KCNIP4: variants seen among roughly 807,000 people sequenced by gnomAD.
The protein encoded by KCNIP4 is potassium voltage-gated channel interacting protein 4, also known as Kv channel-interacting protein 4.
A neutral mutation model predicts 34.0 loss-of-function variants in KCNIP4; 12 were observed. The observed-to-expected ratio is 0.35, with a 90% CI of 0.23 to 0.57. KCNIP4 has a LOEUF of 0.57. Ranked by LOEUF, KCNIP4 falls within the 20% of genes least tolerant of loss-of-function variation. The pLI is 0.83. For missense variants in KCNIP4, 238 were observed against 311.7 expected (o/e 0.76, Z 1.78); for synonymous variants, 124 against 102.2 (o/e 1.21, Z -1.29).
At chr4:21,885,461 T>C (rs568740442) in intron 1 of KCNIP4, among the ~76,000 whole-genome samples, 1 of 152,262 alleles carries the variant, frequency 6.6e-6, no homozygotes, top group Non-Finnish European at 1.5e-5. Context: ...GATCTACAAC[T>C]CTTTCTTTGT....
At chr4:21,934,666 C>G (rs1333246991) in intron 1 of KCNIP4, among the ~76,000 whole-genome samples, 1 of 152,054 alleles carries the variant, frequency 6.6e-6, no homozygotes, top group Non-Finnish European at 1.5e-5. Context: ...TCTAGCTCAG[C>G]TCAGAGTACC....
intron 1 of KCNIP4, among the ~76,000 whole-genome samples, chr4:21,694,513 A>G (rs573365827): frequency 8.5e-4 from 130 of 152,298 alleles, no homozygotes; most frequent in Non-Finnish European, 1.7e-3. Context: ...GTGATCTGCC[A>G]TGATAAAAAA....
At chr4:21,779,018 G>A (rs1044991263) in intron 1 of KCNIP4, among the ~76,000 whole-genome samples, 13 of 151,874 alleles carry the variant, frequency 8.6e-5, no homozygotes, top group African/African-American at 3.1e-4. Context: ...GCATGAGAGA[G>A]AGAGAGAGAG....
At chr4:21,762,515 G>T (rs1454575265) in intron 1 of KCNIP4, among the ~76,000 whole-genome samples, 9 of 152,114 alleles carry the variant, frequency 5.9e-5, no homozygotes, top group African/African-American at 2.2e-4. Flanking sequence ...AATCTGGGCT[G>T]CCTTTAACTT....
chr4:21,395,025 T>A (rs1280078669), intron 1 of KCNIP4, among the ~76,000 whole-genome samples: 1 of 152,194 alleles, frequency 6.6e-6, no homozygotes, highest in Admixed American at 6.5e-5. Context: ...AATTATTTGA[T>A]AATCTTTATA....
intron 3 of KCNIP4, among the ~76,000 whole-genome samples, chr4:20,815,426 T>C (rs1449403141): frequency 6.6e-6 from 1 of 152,126 alleles, no homozygotes. Context: ...ATTACTCAGA[T>C]ATCACAGGAG....
rs1192160368 is a variant in KCNIP4, at chr4:21,030,920, T to G, written c.62-148211A>C. On this transcript the variant is annotated intron_variant, in intron 1 of 8. Transcript: ENST00000382152. Reference sequence around the variant, plus strand: ...TCCCCTTGACCCACTCTGGAAGCCATGAAAGATAGTCTCATTCAGAGCTAC... The same window carrying G: ...TCCCCTTGACCCACTCTGGAAGCCAGGAAAGATAGTCTCATTCAGAGCTAC... 2.6e-5 allele frequency among the ~76,000 whole-genome samples: 4 copies of G among 152,174 alleles called. No homozygotes were observed. The East Asian group carries it at 7.7e-4, about 29-fold the overall frequency.
At chr4:21,835,580 T>A (rs201796145) in intron 1 of KCNIP4, among the ~76,000 whole-genome samples, 57,168 of 105,044 alleles carry the variant, frequency 0.54, 11,856 homozygotes, top group East Asian at 0.73. Flanking sequence ...TTTTCTTACG[T>A]TTTTTTTTGT....
At chr4:20,806,212 A>AT (rs1037441681) in intron 3 of KCNIP4, among the ~76,000 whole-genome samples, 2 of 151,374 alleles carry the variant, frequency 1.3e-5, no homozygotes, top group African/African-American at 4.9e-5. Flanking sequence ...ACCTTGCTGT[A>AT]TTTTTCCTTC....
chr4:21,098,770 T>A (rs1439620298), intron 1 of KCNIP4, among the ~76,000 whole-genome samples: 1 of 152,214 alleles, frequency 6.6e-6, no homozygotes, highest in Non-Finnish European at 1.5e-5. Context: ...AGCTCATGGA[T>A]CAATGAATAA....
intron 1 of KCNIP4, among the ~76,000 whole-genome samples, chr4:21,412,768 C>A (rs923349564): frequency 6.6e-6 from 1 of 152,128 alleles, no homozygotes; most frequent in Non-Finnish European, 1.5e-5. Flanking sequence ...TGGTGCATGT[C>A]TTTTATATTT....
chr4:21,121,698 T>C (rs574860236), intron 1 of KCNIP4, among the ~76,000 whole-genome samples: 2 of 152,354 alleles, frequency 1.3e-5, no homozygotes, highest in African/African-American at 4.8e-5. Flanking sequence ...AAGTGAGATA[T>C]TGCATACAAA....
At chr4:21,547,317 GA>G (rs1261739401) in intron 1 of KCNIP4, among the ~76,000 whole-genome samples, 1 of 151,682 alleles carries the variant, frequency 6.6e-6, no homozygotes, top group Non-Finnish European at 1.5e-5. Flanking sequence ...AGAAAAGAAG[GA>G]AAAAATCTTC....
intron 1 of KCNIP4, among the ~76,000 whole-genome samples, chr4:21,559,992 T>C (rs1377476877): frequency 2.0e-5 from 3 of 152,150 alleles, no homozygotes; most frequent in Non-Finnish European, 4.4e-5. Context: ...CCTTACTTGA[T>C]CTATTTCATT....
At chr4:21,729,410 A>G (rs1251530726) in intron 1 of KCNIP4, among the ~76,000 whole-genome samples, 1 of 152,170 alleles carries the variant, frequency 6.6e-6, no homozygotes, top group African/African-American at 2.4e-5. Context: ...GTACTAATCT[A>G]GGTAATATAA....
chr4:21,723,315 AAAG>A (rs1238159849), intron 1 of KCNIP4, among the ~76,000 whole-genome samples: 2 of 152,156 alleles, frequency 1.3e-5, no homozygotes, highest in Non-Finnish European at 2.9e-5. Flanking sequence ...CCATATTAGA[AAAG>A]AAGAGCTTTT....
chr4:20,802,723 A>C (rs1325676053), intron 3 of KCNIP4, among the ~76,000 whole-genome samples: 1 of 152,232 alleles, frequency 6.6e-6, no homozygotes, highest in Non-Finnish European at 1.5e-5. Flanking sequence ...TGTTGTGGAA[A>C]TTAAACAACA....
intron 3 of KCNIP4, among the ~76,000 whole-genome samples, chr4:20,782,381 A>T (rs1356043524): frequency 6.6e-6 from 1 of 152,160 alleles, no homozygotes; most frequent in Non-Finnish European, 1.5e-5. Context: ...TCCCTTCTGC[A>T]CTGCCCTAGT....
chr4:21,627,273 A>G lies in KCNIP4; in HGVS notation c.61+321298T>C, dbSNP rs1745410494. Reference sequence around the variant, plus strand: ...GCAGTTTAGCTCTTGGTTATAAACCATGGTTTAGTTTCATTATAAACTATG... The same window carrying G: ...GCAGTTTAGCTCTTGGTTATAAACCGTGGTTTAGTTTCATTATAAACTATG... On this transcript the variant is annotated intron_variant, in intron 1 of 8. Transcript: ENST00000382152. Among the ~76,000 whole-genome samples, 3 of 152,260 alleles carry G rather than the reference A, an allele frequency of 2.0e-5. No homozygotes were observed. The South Asian group carries it at 6.2e-4, about 32-fold the overall frequency.
Sources: allele counts gnomAD v4.1 joint callset (sites outside exome capture counted in the v4.1 genomes callset), GRCh38; gene constraint gnomAD v4.1.1; transcripts MANE v1.5; gene names NCBI Gene and HGNC (gene_info 2026-07-23, HGNC 2026-07-21).